The following ZSCAN25 variants were observed in gnomAD, a reference collection of about 807,000 sequenced individuals.
ZSCAN25 encodes zinc finger and SCAN domain-containing protein 25.
Under a neutral mutation model 38.7 loss-of-function variants are expected in ZSCAN25, and 27 were observed. That is an observed-to-expected ratio of 0.70 (90% CI 0.51 to 0.96). The LOEUF (loss-of-function observed/expected upper bound fraction) is 0.96, where lower values mean the gene tolerates loss of function less well. ZSCAN25 is among the 40% of genes least tolerant of loss of function. The probability of loss-of-function intolerance (pLI) is 0.00; values close to 1 mark genes in which losing one functional copy is unlikely to be tolerated. For missense variants in ZSCAN25, 637 were observed against 705.9 expected, an observed-to-expected ratio of 0.90 and a Z score of 1.11; for synonymous variants, 273 against 277.7, an observed-to-expected ratio of 0.98 and a Z score of 0.17.
chr7:99,722,451 C>G, the ZSCAN25 span: 1 of 1,428,196 alleles, frequency 7.0e-7, no homozygotes, highest in Non-Finnish European at 9.6e-7. Flanking sequence ...ATTAGACTTG[C>G]TGGCAGTTAG....
At chr7:99,714,437 G>A in the ZSCAN25 span, 2 of 1,466,482 alleles carry the variant, frequency 1.4e-6, no homozygotes, top group Non-Finnish European at 1.8e-6. Flanking sequence ...CTAAACATAA[G>A]TACTCTTTAT....
At chr7:99,633,265 A>G (rs541881382), downstream of ZSCAN25, among the ~76,000 whole-genome samples, 5 of 152,236 alleles carry the variant, frequency 3.3e-5, no homozygotes, top group African/African-American at 9.6e-5. Context: ...TTCATATTTC[A>G]CATTTTGGCA....
chr7:99,637,463 A>C, the ZSCAN25 span, among the ~76,000 whole-genome samples: 4 of 152,160 alleles, frequency 2.6e-5, no homozygotes, highest in Non-Finnish European at 5.9e-5. Context: ...TGTGTCCTTC[A>C]TGGGTTACAC....
At chr7:99,722,185 G>T in the ZSCAN25 span, 1 of 1,348,066 alleles carries the variant, frequency 7.4e-7, no homozygotes, top group Non-Finnish European at 1.0e-6. Context: ...TTGTAGTTAG[G>T]CTGGCAAGAG....
chr7:99,713,431 T>A, the ZSCAN25 span: 1 of 1,611,664 alleles, frequency 6.2e-7, no homozygotes. Context: ...TCCCTCTGAG[T>A]GCCCCACCAG....
chr7:99,673,631 ATC>A, the ZSCAN25 span, among the ~76,000 whole-genome samples: 1 of 152,238 alleles, frequency 6.6e-6, no homozygotes, highest in African/African-American at 2.4e-5. Flanking sequence ...TTTCTCTATT[ATC>A]TCTCAACCCT....
chr7:99,665,926 TA>T, the ZSCAN25 span, among the ~76,000 whole-genome samples: 1 of 152,052 alleles, frequency 6.6e-6, no homozygotes, highest in African/African-American at 2.4e-5. Context: ...ATGTTCTGGT[TA>T]AAAAAAATAG....
chr7:99,718,656 G>A, the ZSCAN25 span, among the ~76,000 whole-genome samples: 1 of 152,158 alleles, frequency 6.6e-6, no homozygotes, highest in African/African-American at 2.4e-5. Flanking sequence ...ACATTTATTT[G>A]ACATTATACT....
the ZSCAN25 span, chr7:99,652,478 T>A: frequency 1.4e-5 from 13 of 898,954 alleles, no homozygotes; most frequent in Non-Finnish European, 2.3e-5. Context: ...ACGATTGTCA[T>A]GTAGATTAAG....
At chr7:99,697,228 G>T in the ZSCAN25 span, among the ~76,000 whole-genome samples, 1 of 152,172 alleles carries the variant, frequency 6.6e-6, no homozygotes, top group Admixed American at 6.5e-5. Flanking sequence ...TAAGGCTGCT[G>T]CTCCCTATGG....
Position 99,632,350 on chromosome 7 carries a change from A to G in ZSCAN25, c.*2330A>G. Reference sequence around the variant, plus strand: ...TTATAATAGATAATTTCAAACCTATATAAATAAATCCTTATGTATTTATCA... The same window carrying G: ...TTATAATAGATAATTTCAAACCTATGTAAATAAATCCTTATGTATTTATCA... On this transcript the variant is annotated 3_prime_UTR_variant, in exon 8 of 8. Coordinates refer to ENST00000394152, the MANE Select transcript of ZSCAN25 (RefSeq NM_145115.3). The G allele has an allele frequency of 1.5e-6, 1 of 667,868 alleles. No homozygotes were observed. Among genetic ancestry groups the G allele is most frequent in the Non-Finnish European group, 1.9e-6 (1 of 540,298 alleles). 41.4% of individuals were successfully genotyped at this position (667,868 alleles called of 1,614,324 possible). A position where few individuals can be genotyped will look rare whatever the true frequency, so the allele number is the denominator to read the frequency against.
rs371743621 is a variant in ZSCAN25, at chr7:99,630,045, A to G, written c.*25A>G. ...AGCATAGCAGGTGGCAGGCAGCACC[A>G]TCATTCATCTTTCTCACTGCAGGGC... is the stretch of plus-strand genomic sequence containing the variant. On this transcript the variant is annotated 3_prime_UTR_variant, in exon 8 of 8. Coordinates refer to ENST00000394152, the MANE Select transcript of ZSCAN25 (RefSeq NM_145115.3). 3 of 1,490,564 alleles carry G rather than the reference A, an allele frequency of 2.0e-6. No individual in the cohort carries two copies. Among genetic ancestry groups the G allele is most frequent in the African/African-American group, 1.4e-5 (1 of 71,302 alleles). The allele number at this position is 1,490,564 out of a possible 1,614,324, so 92.3% of individuals were successfully genotyped here. A position where few individuals can be genotyped will look rare whatever the true frequency, so the allele number is the denominator to read the frequency against.
the ZSCAN25 span, among the ~76,000 whole-genome samples, chr7:99,647,083 A>T: frequency 6.6e-6 from 1 of 152,150 alleles, no homozygotes; most frequent in Admixed American, 6.5e-5. Flanking sequence ...TATGTGATCA[A>T]TCCCTTCTAT....
At chr7:99,707,507 T>C in the ZSCAN25 span, among the ~76,000 whole-genome samples, 1 of 152,232 alleles carries the variant, frequency 6.6e-6, no homozygotes, top group African/African-American at 2.4e-5. Flanking sequence ...CTCATGATTG[T>C]GCAAAATACT....
the ZSCAN25 span, among the ~76,000 whole-genome samples, chr7:99,729,713 TC>T: frequency 6.2e-4 from 94 of 152,276 alleles, no homozygotes; most frequent in African/African-American, 2.1e-3. Flanking sequence ...TCTTATGATC[TC>T]CCCACCATGC....
At chr7:99,677,165 G>A in the ZSCAN25 span, 1 of 985,280 alleles carries the variant, frequency 1.0e-6, no homozygotes, top group African/African-American at 1.7e-5. Flanking sequence ...CATGAGTCAT[G>A]TGCAAACTCC....
At position 99,631,454 on chromosome 7, in the gene ZSCAN25, A is replaced by G. The variant is rs947740952; in HGVS notation, c.*1434A>G. 2.0e-6 allele frequency: 2 copies of G among 985,324 alleles called. No homozygotes were observed. The highest frequency in any genetic ancestry group is 1.2e-4 in the Admixed American group (2 of 16,260). The allele number at this position is 985,324 out of a possible 1,614,324, so 61.0% of individuals were successfully genotyped here. On this transcript the variant is annotated 3_prime_UTR_variant, in exon 8 of 8. Coordinates refer to ENST00000394152, the MANE Select transcript of ZSCAN25 (RefSeq NM_145115.3). ...ACTTAAGGGTTTCATTTCTGTTTAA[A>G]GTTCTGGAAGCTGCATAACTAGCGT...
chr7:99,621,376 C>T lies in ZSCAN25; in HGVS notation c.391C>T (p.Pro131Ser), dbSNP rs2151261157. ...TERALEAKAV[P>S]CHRQGEQEET... ...CGGTGTTGGGAACTGTTCTTAGGTT[C>T]CATGCCACAGGCAGGGAGAGCAGGA... The change falls in exon 5 of 8, where the codon CCA (proline) becomes TCA (serine). Residue 131 changes from proline to serine, a missense_variant. Physicochemically the swap from Pro to Ser is moderately conservative, Grantham distance 74. Coordinates refer to ENST00000394152, the MANE Select transcript of ZSCAN25 (RefSeq NM_145115.3). 1 of 1,408,924 alleles carries T rather than the reference C, an allele frequency of 7.1e-7. No homozygotes were observed. Among genetic ancestry groups the T allele is most frequent in the Admixed American group, 2.5e-5 (1 of 40,746 alleles). 87.3% of individuals were successfully genotyped at this position (1,408,924 alleles called of 1,614,324 possible). A position where few individuals can be genotyped will look rare whatever the true frequency, so the allele number is the denominator to read the frequency against.
intron 1 of ZSCAN25, among the ~76,000 whole-genome samples, chr7:99,617,686 A>T (rs1806587451): frequency 1.3e-5 from 2 of 152,240 alleles, no homozygotes; most frequent in African/African-American, 4.8e-5. Flanking sequence ...CAAAGGCTGC[A>T]GTGATCGCAC....
Sources: allele counts gnomAD v4.1 joint callset (sites outside exome capture counted in the v4.1 genomes callset), GRCh38; gene constraint gnomAD v4.1.1; transcripts MANE v1.5; gene names NCBI Gene and HGNC (gene_info 2026-07-23, HGNC 2026-07-21).